Variants in WDR48 observed in about 807,000 individuals in gnomAD.
WDR48 encodes WD repeat-containing protein 48.
Under a neutral mutation model 94.0 loss-of-function variants are expected in WDR48, and 22 were observed. The ratio of observed to expected loss-of-function variants is 0.23; its 90% CI spans 0.17 to 0.33. The LOEUF (loss-of-function observed/expected upper bound fraction) is 0.33, where lower values mean the gene tolerates loss of function less well. WDR48 is among the 10% of genes least tolerant of loss of function. The probability of loss-of-function intolerance (pLI) is 1.00; values close to 1 mark genes in which losing one functional copy is unlikely to be tolerated. For missense variants in WDR48, 541 were observed against 813.8 expected, an observed-to-expected ratio of 0.66 and a Z score of 4.08; for synonymous variants, 278 against 280.5, an observed-to-expected ratio of 0.99 and a Z score of 0.09.
intron 14 of WDR48, among the ~76,000 whole-genome samples, chr3:39,087,212 A>G (rs1331200592): frequency 6.6e-6 from 1 of 152,184 alleles, no homozygotes; most frequent in Non-Finnish European, 1.5e-5. Flanking sequence ...TTGAGTTGGT[A>G]TCACCCACCT....
intron 17 of WDR48, among the ~76,000 whole-genome samples, chr3:39,092,234 C>A (rs2035113386): frequency 6.6e-6 from 1 of 151,986 alleles, no homozygotes; most frequent in Non-Finnish European, 1.5e-5. Context: ...AGTTTAGGAC[C>A]CAACCTGTAT....
intron 11 of WDR48, among the ~76,000 whole-genome samples, chr3:39,081,748 A>G (rs975742118): frequency 1.3e-5 from 2 of 152,200 alleles, no homozygotes; most frequent in African/African-American, 2.4e-5. Flanking sequence ...GAGTTGACCT[A>G]TCTGTTTTCT....
intron 7 of WDR48, among the ~76,000 whole-genome samples, chr3:39,070,489 G>A (rs1159609914): frequency 6.6e-6 from 1 of 152,120 alleles, no homozygotes; most frequent in African/African-American, 2.4e-5. Flanking sequence ...TTCTTTTCCT[G>A]TGGAAGTTAA....
intron 1 of WDR48, among the ~76,000 whole-genome samples, chr3:39,058,900 C>CT (rs2033077076): frequency 6.6e-6 from 1 of 152,022 alleles, no homozygotes; most frequent in Non-Finnish European, 1.5e-5. Context: ...GATGGCGAAA[C>CT]CCTGTCTCTA....
chr3:39,069,355 A>G (rs1254690490), intron 6 of WDR48, among the ~76,000 whole-genome samples: 1 of 152,320 alleles, frequency 6.6e-6, no homozygotes, highest in Non-Finnish European at 1.5e-5. Flanking sequence ...TATTAAATAT[A>G]TGGACAGTGG....
intron 17 of WDR48, among the ~76,000 whole-genome samples, chr3:39,092,904 C>CACAA (rs886551395): frequency 1.3e-5 from 2 of 151,970 alleles, no homozygotes; most frequent in Non-Finnish European, 2.9e-5. Flanking sequence ...CACACACACA[C>CACAA]ACAATTATTT....
chr3:39,069,758 T>A lies in WDR48; in HGVS notation c.672+14T>A. On this transcript the variant is annotated intron_variant, in intron 7 of 18. Transcript: ENST00000302313. ...GATGGCACGCAAGTATGCAGTTTCA[T>A]TTGGGTGTTTACCTAATAACCTTGT... is the stretch of plus-strand genomic sequence containing the variant. 6.2e-7 allele frequency: 1 copy of A among 1,606,220 alleles called. No homozygotes were observed. Among genetic ancestry groups the A allele is most frequent in the Non-Finnish European group, 8.5e-7 (1 of 1,174,780 alleles).
intron 16 of WDR48, chr3:39,091,050 C>T (rs986096289): frequency 2.6e-5 from 4 of 152,280 alleles, no homozygotes; most frequent in African/African-American, 7.2e-5. Context: ...AAGATGACCA[C>T]GTAATTTTAT....
At position 39,094,971 on chromosome 3, in the gene WDR48, G is replaced by C. The variant is rs934187526; in HGVS notation, c.*228G>C. The stretch of plus-strand genomic sequence containing the variant: ...GGAAGCAGAGTGCAAGAGCAGAAGA[G>C]CCCCAAGCAGACTATGTCTTTCAAG... On this transcript the variant is annotated 3_prime_UTR_variant, in exon 19 of 19. Transcript: ENST00000302313. The C allele has an allele frequency of 1.7e-6, 1 of 577,104 alleles. No homozygotes were observed. The highest frequency in any genetic ancestry group is 2.3e-5 in the South Asian group (1 of 43,172). The allele number at this position is 577,104 out of a possible 1,614,324, so 35.7% of individuals were successfully genotyped here.
rs149025514 is a variant in WDR48, at chr3:39,052,415, G to C, written c.48+342G>C. On this transcript the variant is annotated intron_variant, in intron 1 of 18. Transcript: ENST00000302313. ...CCCTTGCCCTGTCTTTCTTCGAAGC[G>C]CTCTGCCCTCGCTGCGTCGGAGCCG... 870 of 255,366 alleles carry C rather than the reference G, an allele frequency of 3.4e-3. 3 individuals are homozygous for C. The highest frequency in any genetic ancestry group is 5.5e-3 in the Non-Finnish European group (721 of 131,252). The allele number at this position is 255,366 out of a possible 1,614,324, so 15.8% of individuals were successfully genotyped here.
In WDR48 at chr3:39,079,720, G is replaced by GTATT; in HGVS notation, c.1086_1089dup (p.Ile364TyrfsTer8). On this transcript the variant is annotated frameshift_variant, in exon 11 of 19. Coordinates refer to ENST00000302313, the MANE Select transcript of WDR48 (RefSeq NM_020839.4). LOFTEE classifies it high-confidence loss of function. ...TTTTTTTTCCCATTAGGGGGTGCTA[G>GTATT]TATTATTCAGTGCCACATTCTTAAT... The GTATT allele has an allele frequency of 6.5e-7, 1 of 1,548,500 alleles. No individual in the cohort carries two copies. The highest frequency in any genetic ancestry group is 8.6e-7 in the Non-Finnish European group (1 of 1,156,156).
intron 17 of WDR48, among the ~76,000 whole-genome samples, chr3:39,091,955 T>C (rs185069207): frequency 6.6e-6 from 1 of 152,328 alleles, no homozygotes; most frequent in African/African-American, 2.4e-5. Context: ...GAGGATTAAT[T>C]GAGGCCAGGA....
chr3:39,059,133 AAGAT>A (rs2033099560), intron 1 of WDR48, among the ~76,000 whole-genome samples: 1 of 152,096 alleles, frequency 6.6e-6, no homozygotes, highest in Non-Finnish European at 1.5e-5. Flanking sequence ...TAAGTAATGT[AAGAT>A]AGATAGGGTC....
intron 11 of WDR48, 110 bp from the exon 12 acceptor site, chr3:39,084,045 A>G: frequency 1.5e-6 from 1 of 661,676 alleles, no homozygotes; most frequent in Non-Finnish European, 2.4e-6. Context: ...TGTATTTTAG[A>G]CTGTTTCACT....
chr3:39,094,202 C>A, intron 18 of WDR48, 136 bp downstream of exon 18: 1 of 1,456,334 alleles, frequency 6.9e-7, no homozygotes, highest in African/African-American at 1.4e-5. Flanking sequence ...TAAAGCCCAC[C>A]CTAAAGCTCC....
intron 8 of WDR48, among the ~76,000 whole-genome samples, chr3:39,076,591 G>A (rs569763342): frequency 6.6e-5 from 10 of 152,228 alleles, no homozygotes; most frequent in Non-Finnish European, 1.2e-4. Flanking sequence ...AATAGTGGAT[G>A]AATGTAGAGT....
At chr3:39,076,222 C>G (rs2034216119) in intron 8 of WDR48, among the ~76,000 whole-genome samples, 2 of 152,184 alleles carry the variant, frequency 1.3e-5, no homozygotes, top group South Asian at 2.1e-4. Context: ...TCAGACAAAA[C>G]TGGCCAAGTA....
At position 39,095,547 on chromosome 3, in the gene WDR48, A is replaced by G. The variant is rs1043327168; in HGVS notation, c.*804A>G. ...TTTACACAAAGCGAGCTGAGACCAC[A>G]GGTTCTTGCTCTGGATGAGCAGCAT... On this transcript the variant is annotated 3_prime_UTR_variant, in exon 19 of 19. Coordinates refer to ENST00000302313, the MANE Select transcript of WDR48 (RefSeq NM_020839.4). 7 of 152,222 alleles carry G rather than the reference A, an allele frequency of 4.6e-5. No homozygotes were observed. The highest frequency in any genetic ancestry group is 1.7e-4 in the African/African-American group (7 of 41,456). The allele number at this position is 152,222 out of a possible 1,614,324, so 9.4% of individuals were successfully genotyped here. A position where few individuals can be genotyped will look rare whatever the true frequency, so the allele number is the denominator to read the frequency against.
rs1379114983 is a variant in WDR48, at chr3:39,074,896, A to G, written c.843A>G (p.Leu281=). The part of the protein sequence containing the change: ...GRDRKIYCTD[L]RNPDIRVLIC... ...ACAGGAAGATTTATTGTACAGACCT[A>G]AGAAACCCTGACATTCGGGTGCTAA... Residue 281 remains leucine, a synonymous_variant, in exon 8 of 19, where the codon CTA becomes CTG. Coordinates refer to ENST00000302313, the MANE Select transcript of WDR48 (RefSeq NM_020839.4). 3.1e-6 allele frequency: 5 copies of G among 1,614,234 alleles called. No homozygotes were observed. The highest frequency in any genetic ancestry group is 4.2e-6 in the Non-Finnish European group (5 of 1,180,042).
Sources: gnomAD v4.1 joint callset for allele counts (sites outside exome capture counted in the v4.1 genomes callset) on GRCh38, gnomAD v4.1.1 for gene constraint, MANE v1.5 for transcripts, NCBI Gene and HGNC (gene_info 2026-07-23, HGNC 2026-07-21) for gene names.